COMMD6: variants seen among roughly 807,000 people sequenced by gnomAD.
COMMD6 encodes the protein COMM domain containing 6.
A neutral mutation model predicts 13.4 loss-of-function variants in COMMD6; 11 were observed. That is an observed-to-expected ratio of 0.82 (90% CI 0.52 to 1.36). The LOEUF (loss-of-function observed/expected upper bound fraction) is 1.36, where lower values mean the gene tolerates loss of function less well. Ranked by LOEUF, COMMD6 falls within the 40% of genes most tolerant of loss-of-function variation. The pLI is 0.00. For missense variants in COMMD6, 124 were observed against 102.4 expected, an observed-to-expected ratio of 1.21 and a Z score of -0.91; for synonymous variants, 43 against 36.5, an observed-to-expected ratio of 1.18 and a Z score of -0.64.
At chr13:75,540,344 C>CCCACACACA (rs372640334), upstream of COMMD6, among the ~76,000 whole-genome samples, 26 of 147,274 alleles carry the variant, frequency 1.8e-4, no homozygotes, top group African/African-American at 5.8e-4. Context: ...ACACACACAC[C>CCCACACACA]CACACACACA....
chr13:75,541,767 T>G (rs2030827093), upstream of COMMD6, among the ~76,000 whole-genome samples: 1 of 152,188 alleles, frequency 6.6e-6, no homozygotes, highest in Non-Finnish European at 1.5e-5. Context: ...ACATATTTAC[T>G]ATACTGTATT....
intron 1 of COMMD6, among the ~76,000 whole-genome samples, chr13:75,545,082 C>T (rs1175861466): frequency 1.3e-5 from 2 of 152,200 alleles, no homozygotes; most frequent in African/African-American, 2.4e-5. Flanking sequence ...TGTTTTCAAG[C>T]ACTGCCAAAA....
chr13:75,539,000 C>T (rs555480385), upstream of COMMD6, among the ~76,000 whole-genome samples: 1 of 152,268 alleles, frequency 6.6e-6, no homozygotes, highest in South Asian at 2.1e-4. Flanking sequence ...ACTCCCAGCT[C>T]CTAGAGGCCA....
chr13:75,537,570 C>A, intron 2 of COMMD6, 94 bp downstream of exon 2: 2 of 1,583,562 alleles, frequency 1.3e-6, no homozygotes, highest in Non-Finnish European at 1.7e-6. Context: ...GGACACAGGA[C>A]TAGGGGAGAC....
At chr13:75,530,481 A>T in intron 2 of COMMD6, 1 of 346,616 alleles carries the variant, frequency 2.9e-6, no homozygotes, top group Non-Finnish European at 5.1e-6. Context: ...ACACCATCAT[A>T]GTTTAAAATG....
At chr13:75,542,290 CT>C (rs59815923), upstream of COMMD6, among the ~76,000 whole-genome samples, 15,970 of 137,924 alleles carry the variant, frequency 0.12, 1,006 homozygotes, top group East Asian at 0.26. Context: ...TCTTTCTTTC[CT>C]TTTTTTTTTT....
At chr13:75,544,811 G>T (rs908074404) in intron 1 of COMMD6, among the ~76,000 whole-genome samples, 2 of 150,526 alleles carry the variant, frequency 1.3e-5, no homozygotes, top group Non-Finnish European at 3.0e-5. Flanking sequence ...GGTGGTGCAC[G>T]TCTGTTTGGG....
intron 2 of COMMD6, among the ~76,000 whole-genome samples, chr13:75,530,754 T>C (rs973656240): frequency 2.0e-5 from 3 of 152,220 alleles, no homozygotes; most frequent in Non-Finnish European, 2.9e-5. Flanking sequence ...CATAACACTA[T>C]AGGTTATTGT....
chr13:75,544,701 T>C (rs1486038104), intron 1 of COMMD6, among the ~76,000 whole-genome samples: 3 of 152,082 alleles, frequency 2.0e-5, no homozygotes. Context: ...AGGCAGAGGT[T>C]GCAGTGAGCA....
chr13:75,543,711 A>C (rs1451639676), upstream of COMMD6, among the ~76,000 whole-genome samples: 1 of 152,212 alleles, frequency 6.6e-6, no homozygotes, highest in African/African-American at 2.4e-5. Flanking sequence ...TTGTCCCACA[A>C]GGTTTTTATT....
chr13:75,537,894 C>G, upstream of COMMD6: 1 of 1,375,370 alleles, frequency 7.3e-7, no homozygotes, highest in Non-Finnish European at 9.9e-7. Context: ...AGCGGCCTGG[C>G]GCATGGGGCG....
At chr13:75,528,270 G>T (rs1350719351) in intron 3 of COMMD6, among the ~76,000 whole-genome samples, 1 of 151,732 alleles carries the variant, frequency 6.6e-6, no homozygotes, top group Admixed American at 6.6e-5. Context: ...GTGGAATCAG[G>T]ACAGCACAAA....
At chr13:75,548,439 C>CT (rs1376196190) in intron 1 of COMMD6, among the ~76,000 whole-genome samples, 6 of 152,130 alleles carry the variant, frequency 3.9e-5, no homozygotes, top group Non-Finnish European at 7.4e-5. Flanking sequence ...TTCTGACTCC[C>CT]TAACTGCTCT....
intron 2 of COMMD6, among the ~76,000 whole-genome samples, chr13:75,533,951 A>C (rs761714147): frequency 5.9e-5 from 9 of 151,974 alleles, no homozygotes; most frequent in Non-Finnish European, 1.2e-4. Flanking sequence ...ATGTCCAAAA[A>C]CTAAACCAAG....
At chr13:75,538,187 C>G (rs1033136010), upstream of COMMD6, among the ~76,000 whole-genome samples, 1 of 152,190 alleles carries the variant, frequency 6.6e-6, no homozygotes, top group African/African-American at 2.4e-5. Flanking sequence ...GCTGGGCGAC[C>G]GCACCCCCGG....
chr13:75,533,178 T>C (rs181080573), intron 2 of COMMD6, among the ~76,000 whole-genome samples: 1,925 of 152,074 alleles, frequency 0.013, 45 homozygotes, highest in African/African-American at 0.044. Flanking sequence ...TGATCCGCCC[T>C]GCCTCAGCCT....
intron 2 of COMMD6, among the ~76,000 whole-genome samples, chr13:75,535,475 G>C (rs570536431): frequency 1.3e-5 from 2 of 152,340 alleles, no homozygotes; most frequent in South Asian, 4.1e-4. Flanking sequence ...AAAGAGAATG[G>C]CGGCTTGGAC....
chr13:75,544,047 T>A (rs1400658733), intron 1 of COMMD6, among the ~76,000 whole-genome samples: 1 of 152,120 alleles, frequency 6.6e-6, no homozygotes. Flanking sequence ...TTTCTGCTAA[T>A]TGACTGTTTT....
upstream of COMMD6, among the ~76,000 whole-genome samples, chr13:75,543,266 AG>A (rs1268341123): frequency 2.6e-5 from 4 of 152,174 alleles, no homozygotes; most frequent in Non-Finnish European, 4.4e-5. Flanking sequence ...CTGTATGCTG[AG>A]CCCCCCTGAC....
Sources: gnomAD v4.1 joint callset for allele counts (sites outside exome capture counted in the v4.1 genomes callset) on GRCh38, gnomAD v4.1.1 for gene constraint, MANE v1.5 for transcripts, NCBI Gene and HGNC (gene_info 2026-07-23, HGNC 2026-07-21) for gene names.